The following LZIC variants were observed in gnomAD, a reference collection of about 807,000 sequenced individuals.
LZIC encodes protein LZIC.
A neutral mutation model predicts 25.4 loss-of-function variants in LZIC; 28 were observed. The ratio of observed to expected loss-of-function variants is 1.10; its 90% CI spans 0.82 to 1.51. The LOEUF is 1.51. LZIC is among the 40% of genes most tolerant of loss of function. The pLI is 0.00. For missense variants in LZIC, 170 were observed against 211.1 expected (o/e 0.81, Z 1.21); for synonymous variants, 65 against 70.7 (o/e 0.92, Z 0.40).
At chr1:9,941,568 C>T (rs1433611237) in intron 2 of LZIC, among the ~76,000 whole-genome samples, 1 of 146,822 alleles carries the variant, frequency 6.8e-6, no homozygotes, top group African/African-American at 2.5e-5. Context: ...GGCACGATCT[C>T]GGCTCACTGC....
Position 9,928,075 on chromosome 1 carries a change from G to A in LZIC, c.*2324C>T, listed in dbSNP as rs555040131. On this transcript the variant is annotated 3_prime_UTR_variant, in exon 8 of 8. Transcript: ENST00000377223. Reference sequence around the variant, plus strand: ...GCCTGTAATCATCCCAGCACTCTGGGAGGTTGAGGCGGGTGGATCACCTAA... The same window carrying A: ...GCCTGTAATCATCCCAGCACTCTGGAAGGTTGAGGCGGGTGGATCACCTAA... Among the ~76,000 whole-genome samples the A allele has an allele frequency of 6.6e-6, 1 of 152,226 alleles. No homozygotes were observed. The highest frequency in any genetic ancestry group is 6.5e-5 in the Admixed American group (1 of 15,276).
intron 5 of LZIC, 51 bp downstream of exon 5, chr1:9,934,711 C>T: frequency 6.7e-7 from 1 of 1,496,214 alleles, no homozygotes; most frequent in Non-Finnish European, 9.3e-7. Context: ...AATGAATTGG[C>T]CTAGGAAATG....
intron 7 of LZIC, among the ~76,000 whole-genome samples, chr1:9,930,876 A>G (rs1284166707): frequency 6.6e-6 from 1 of 151,678 alleles, no homozygotes; most frequent in East Asian, 1.9e-4. Context: ...ACGTGCCACC[A>G]TGCCCAGCCA....
chr1:9,931,047 A>G (rs1187942408), intron 7 of LZIC, among the ~76,000 whole-genome samples: 1 of 146,966 alleles, frequency 6.8e-6, no homozygotes, highest in African/African-American at 2.5e-5. Context: ...CATTTCTGTG[A>G]AAAAAAAAAA....
rs149609781 is a variant in LZIC at position 9,927,580 on chromosome 1, C to T, written c.*2819G>A. 6.6e-6 allele frequency among the ~76,000 whole-genome samples: 1 copy of T among 151,274 alleles called. No homozygotes were observed. The highest frequency in any genetic ancestry group is 2.4e-5 in the African/African-American group (1 of 41,244). ...CCTCCCAGAGTTCTGAGATTACATG[C>T]GTGAGCCACTGTGCCAGGCATTAGG... is the stretch of plus-strand genomic sequence containing the variant. On this transcript the variant is annotated 3_prime_UTR_variant, in exon 8 of 8. Transcript: ENST00000377223.
In LZIC at chr1:9,926,952, A is replaced by G. The variant is rs1462793798; in HGVS notation, c.*3447T>C. ...AAATTTGTGAAACAAAATATATCCT[A>G]TGGTGCTTAGAATGGTTGTTAAATG... On this transcript the variant is annotated 3_prime_UTR_variant, in exon 8 of 8. Transcript: ENST00000377223. 6.6e-6 allele frequency among the ~76,000 whole-genome samples: 1 copy of G among 152,212 alleles called. No homozygotes were observed. The highest frequency in any genetic ancestry group is 1.5e-5 in the Non-Finnish European group (1 of 68,038).
downstream of LZIC, among the ~76,000 whole-genome samples, chr1:9,923,885 C>G (rs1330906739): frequency 6.6e-6 from 1 of 151,322 alleles, no homozygotes; most frequent in Non-Finnish European, 1.5e-5. Flanking sequence ...CCCGAGTAGC[C>G]GGGATTACAG....
chr1:9,933,254 C>CAAAAAAAAAAAA (rs60791463), intron 5 of LZIC, among the ~76,000 whole-genome samples: 1 of 43,374 alleles, frequency 2.3e-5, no homozygotes, highest in Non-Finnish European at 4.0e-5. Context: ...GACTCCACCA[C>CAAAAAAAAAAAA]AAAAAAAAAA....
intron 2 of LZIC, among the ~76,000 whole-genome samples, chr1:9,937,499 C>A (rs929837477): frequency 6.6e-6 from 1 of 151,710 alleles, no homozygotes; most frequent in Non-Finnish European, 1.5e-5. Flanking sequence ...GAGCTGAGAT[C>A]ACGCCACTGC....
chr1:9,930,063 C>A lies in LZIC; in HGVS notation c.*336G>T. 9.5e-7 allele frequency: 1 copy of A among 1,049,016 alleles called. No individual in the cohort carries two copies. Among genetic ancestry groups the A allele is most frequent in the Non-Finnish European group, 1.2e-6 (1 of 868,486 alleles). The allele number at this position is 1,049,016 out of a possible 1,614,324, so 65.0% of individuals were successfully genotyped here. ...TAAGCAGAAAAATATCATTACTTCA[C>A]ATCTTTTCGTTCACTATCAACACTT... On this transcript the variant is annotated 3_prime_UTR_variant, in exon 8 of 8. Transcript: ENST00000377223.
At position 9,931,984 on chromosome 1, in the gene LZIC, G is replaced by A. The variant is rs759720354; in HGVS notation, c.433-12C>T. On this transcript the variant is annotated splice_polypyrimidine_tract_variant and intron_variant, in intron 6 of 7. Coordinates refer to ENST00000377223, the MANE Select transcript of LZIC (RefSeq NM_032368.5). ...TCATCTGCAGTCAGCTAAACAAAAT[G>A]AAACAAAGTCCAGTTGAGTGGGTAA... 3 of 1,598,630 alleles carry A rather than the reference G, an allele frequency of 1.9e-6. No individual in the cohort carries two copies. The East Asian group carries it at 6.8e-5, about 36-fold the overall frequency.
chr1:9,929,512 C>G lies in LZIC; in HGVS notation c.*887G>C. ...AACCTGAAGAGTAGATAACAGCTGACAGTTACCCCCCTCTGAGTGTGACAA... is the reference window on the plus strand; with the variant it reads ...AACCTGAAGAGTAGATAACAGCTGAGAGTTACCCCCCTCTGAGTGTGACAA... On this transcript the variant is annotated 3_prime_UTR_variant, in exon 8 of 8. Coordinates refer to ENST00000377223, the MANE Select transcript of LZIC (RefSeq NM_032368.5). 2.0e-6 allele frequency: 2 copies of G among 983,918 alleles called. No homozygotes were observed. Among genetic ancestry groups the G allele is most frequent in the Non-Finnish European group, 2.4e-6 (2 of 829,754 alleles). 60.9% of individuals were successfully genotyped at this position (983,918 alleles called of 1,614,324 possible).
Position 9,931,983 on chromosome 1 carries a change from T to C in LZIC, c.433-11A>G. ...ATCATCTGCAGTCAGCTAAACAAAA[T>C]GAAACAAAGTCCAGTTGAGTGGGTA... On this transcript the variant is annotated splice_polypyrimidine_tract_variant and intron_variant, in intron 6 of 7. Coordinates refer to ENST00000377223, the MANE Select transcript of LZIC (RefSeq NM_032368.5). The C allele has an allele frequency of 6.2e-7, 1 of 1,602,086 alleles. No individual in the cohort carries two copies. The highest frequency in any genetic ancestry group is 8.5e-7 in the Non-Finnish European group (1 of 1,172,186).
At chr1:9,931,390 G>A (rs1027995888) in intron 7 of LZIC, among the ~76,000 whole-genome samples, 1 of 152,142 alleles carries the variant, frequency 6.6e-6, no homozygotes, top group African/African-American at 2.4e-5. Context: ...AGCCTCCCAA[G>A]TAGCTGGGAC....
rs1366146729 is a variant in LZIC at position 9,935,649 on chromosome 1, A to G, written c.102-22T>C. 8 of 1,577,406 alleles carry G rather than the reference A, an allele frequency of 5.1e-6. No individual in the cohort carries two copies. In the African/African-American group the frequency reaches 1.1e-4, roughly 22 times the overall value. On this transcript the variant is annotated intron_variant, in intron 3 of 7. Coordinates refer to ENST00000377223, the MANE Select transcript of LZIC (RefSeq NM_032368.5). ...CTCTCTGAAATAGGTGAACATCATG[A>G]TATGGAAAAATGAAGAGTTCCAAGT...
Position 9,935,473 on chromosome 1 carries a change from G to T in LZIC, c.237+19C>A. ...AAAAAAACAAAGTCTGTCCTCTGTCGCCTATATGTTATACTTACCAGCTGC... is the reference window on the plus strand; with the variant it reads ...AAAAAAACAAAGTCTGTCCTCTGTCTCCTATATGTTATACTTACCAGCTGC... On this transcript the variant is annotated intron_variant, in intron 4 of 7. Coordinates refer to ENST00000377223, the MANE Select transcript of LZIC (RefSeq NM_032368.5). The T allele has an allele frequency of 6.3e-7, 1 of 1,579,676 alleles. No individual in the cohort carries two copies. The highest frequency in any genetic ancestry group is 1.2e-5 in the South Asian group (1 of 84,984).
Position 9,927,594 on chromosome 1 carries a change from C to T in LZIC, c.*2805G>A, listed in dbSNP as rs1192725456. ...GAGATTACATGCGTGAGCCACTGTGCCAGGCATTAGGTCCCTTTCAAATTC... is the reference window on the plus strand; with the variant it reads ...GAGATTACATGCGTGAGCCACTGTGTCAGGCATTAGGTCCCTTTCAAATTC... On this transcript the variant is annotated 3_prime_UTR_variant, in exon 8 of 8. Transcript: ENST00000377223. Among the ~76,000 whole-genome samples, 2 of 151,624 alleles carry T rather than the reference C, an allele frequency of 1.3e-5. No homozygotes were observed. The highest frequency in any genetic ancestry group is 2.9e-5 in the Non-Finnish European group (2 of 67,934).
downstream of LZIC, among the ~76,000 whole-genome samples, chr1:9,925,567 T>G (rs1384823635): frequency 6.6e-6 from 1 of 152,160 alleles, no homozygotes; most frequent in South Asian, 2.1e-4. Context: ...TTGCTGAAGC[T>G]CTTCAACAGT....
chr1:9,929,293 T>C lies in LZIC; in HGVS notation c.*1106A>G, dbSNP rs1640115432. On this transcript the variant is annotated 3_prime_UTR_variant, in exon 8 of 8. Transcript: ENST00000377223. ...TACAGTACAGAAGAAGCTTTAAAAA[T>C]GCTTTTAATTTGTATAAAGTGCAAA... is the stretch of plus-strand genomic sequence containing the variant. 1.0e-6 allele frequency: 1 copy of C among 983,588 alleles called. No individual in the cohort carries two copies. The highest frequency in any genetic ancestry group is 1.7e-5 in the African/African-American group (1 of 57,200). 60.9% of individuals were successfully genotyped at this position (983,588 alleles called of 1,614,324 possible).
Sources: gnomAD v4.1 joint callset for allele counts (sites outside exome capture counted in the v4.1 genomes callset) on GRCh38, gnomAD v4.1.1 for gene constraint, MANE v1.5 for transcripts, NCBI Gene and HGNC (gene_info 2026-07-23, HGNC 2026-07-21) for gene names.